Variants in BAIAP2 observed in about 807,000 individuals in gnomAD.
The protein encoded by BAIAP2 is BAR/IMD domain containing adaptor protein 2.
A neutral mutation model predicts 63.0 loss-of-function variants in BAIAP2; 18 were observed. The observed-to-expected ratio is 0.29, with a 90% CI of 0.20 to 0.42. The LOEUF (loss-of-function observed/expected upper bound fraction) is 0.42. Among genes scored for constraint, BAIAP2 ranks in the 10% least tolerant of loss-of-function variants. BAIAP2 has a pLI of 1.00. For missense variants in BAIAP2, 610 were observed against 734.3 expected, an observed-to-expected ratio of 0.83 and a Z score of 1.96; for synonymous variants, 386 against 307.6, an observed-to-expected ratio of 1.25 and a Z score of -2.67.
At chr17:81,103,100 G>A (rs761807932) in intron 7 of BAIAP2, among the ~76,000 whole-genome samples, 3 of 152,216 alleles carry the variant, frequency 2.0e-5, no homozygotes, top group Non-Finnish European at 4.4e-5. Context: ...TCGGCAGCCA[G>A]GCCTGACCCC....
intron 1 of BAIAP2, among the ~76,000 whole-genome samples, chr17:81,037,180 A>G (rs2046392356): frequency 6.6e-6 from 1 of 152,022 alleles, no homozygotes; most frequent in Non-Finnish European, 1.5e-5. Flanking sequence ...TGAAACACAC[A>G]GGTTCTGCGT....
chr17:81,096,903 A>G (rs2057712258), intron 6 of BAIAP2, among the ~76,000 whole-genome samples: 1 of 152,238 alleles, frequency 6.6e-6, no homozygotes, highest in Admixed American at 6.5e-5. Context: ...AACCAGAGGA[A>G]AAGTACTTCG....
At position 81,046,129 on chromosome 17, in the gene BAIAP2, G is replaced by T. The variant is rs866160888; in HGVS notation, c.55-7539G>T. 1.3e-5 allele frequency among the ~76,000 whole-genome samples: 2 copies of T among 152,118 alleles called. No homozygotes were observed. Among genetic ancestry groups the T allele is most frequent in the South Asian group, 2.1e-4 (1 of 4,830 alleles). Reference sequence around the variant, plus strand: ...GCTCCTGCACGCCCAGCTGCAGGGGGTAAGGAGGAGGATGGTGTCTCTGCC... The same window carrying T: ...GCTCCTGCACGCCCAGCTGCAGGGGTTAAGGAGGAGGATGGTGTCTCTGCC... On this transcript the variant is annotated intron_variant, in intron 1 of 13. Coordinates refer to ENST00000428708, the MANE Select transcript of BAIAP2 (RefSeq NM_001144888.2). This position sits in a 1 kb window ranked among gnomAD's most constrained non-coding sequence, Gnocchi z 4.5.
intron 10 of BAIAP2, chr17:81,105,873 A>G: frequency 1.9e-6 from 1 of 525,460 alleles, no homozygotes; most frequent in South Asian, 2.1e-5. Context: ...GGTTGAGGAC[A>G]GCCCGGGCCA....
rs937943435 is a variant in BAIAP2 at position 81,116,239 on chromosome 17, G to C, written c.*400G>C. The C allele has an allele frequency of 1.2e-6, 2 of 1,612,448 alleles. No homozygotes were observed. The highest frequency in any genetic ancestry group is 1.7e-6 in the Non-Finnish European group (2 of 1,179,640). ...GCTTCTCCTGCACCAGGTGTGATCT[G>C]TCCGCCCAAGGGCCAGAAGGCCGGG... On this transcript the variant is annotated 3_prime_UTR_variant, in exon 14 of 14. Coordinates refer to ENST00000428708, the MANE Select transcript of BAIAP2 (RefSeq NM_001144888.2).
intron 3 of BAIAP2, among the ~76,000 whole-genome samples, chr17:81,081,775 C>G (rs1193316922): frequency 6.6e-6 from 1 of 152,182 alleles, no homozygotes; most frequent in Non-Finnish European, 1.5e-5. Context: ...CGACTTCATC[C>G]CGACCGTGAG....
chr17:81,098,076 G>C (rs756933310), intron 6 of BAIAP2: 81 of 1,301,322 alleles, frequency 6.2e-5, no homozygotes, highest in Non-Finnish European at 7.6e-5. Context: ...TGATCCCCAG[G>C]CCAGCTGGGG....
intron 6 of BAIAP2, among the ~76,000 whole-genome samples, chr17:81,095,041 T>G (rs889315552): frequency 6.6e-6 from 1 of 152,258 alleles, no homozygotes; most frequent in Non-Finnish European, 1.5e-5. Context: ...TGATCACTTT[T>G]GTCTTCTCTG....
chr17:81,047,043 C>T (rs1158117982), intron 1 of BAIAP2, among the ~76,000 whole-genome samples: 5 of 152,002 alleles, frequency 3.3e-5, no homozygotes, highest in African/African-American at 7.2e-5. Flanking sequence ...TGTGCTGGTC[C>T]GTGGGCGAGG....
chr17:81,063,094 G>A (rs1380176504), intron 3 of BAIAP2, among the ~76,000 whole-genome samples: 2 of 152,098 alleles, frequency 1.3e-5, no homozygotes, highest in Non-Finnish European at 2.9e-5. Context: ...TGAGCGAGGA[G>A]GACTGCAGGG....
intron 1 of BAIAP2, among the ~76,000 whole-genome samples, chr17:81,048,136 G>A (rs2048106311): frequency 1.3e-5 from 2 of 152,212 alleles, no homozygotes; most frequent in Non-Finnish European, 2.9e-5. Flanking sequence ...TGTAATCCCA[G>A]CACTTTGGGA....
intron 1 of BAIAP2, among the ~76,000 whole-genome samples, chr17:81,035,568 C>G (rs1230289296): frequency 6.7e-6 from 1 of 150,020 alleles, no homozygotes; most frequent in Admixed American, 6.6e-5. Context: ...TCCCCAGCCC[C>G]AGGCCCGGGG....
intron 3 of BAIAP2, 118 bp downstream of exon 3, chr17:81,058,085 G>A (rs2049927722): frequency 1.1e-5 from 9 of 824,552 alleles, no homozygotes; most frequent in Non-Finnish European, 1.8e-6. Flanking sequence ...TGTCAAATAG[G>A]AAAATATTTT....
chr17:81,095,400 T>TCCTCC (rs1325695576), intron 6 of BAIAP2, among the ~76,000 whole-genome samples: 1 of 152,120 alleles, frequency 6.6e-6, no homozygotes, highest in African/African-American at 2.4e-5. Flanking sequence ...CCACCTCCTC[T>TCCTCC]CCTCCCCGTC....
At chr17:81,065,481 T>C (rs57549925) in intron 3 of BAIAP2, among the ~76,000 whole-genome samples, 2,708 of 152,268 alleles carry the variant, frequency 0.018, 77 homozygotes, top group African/African-American at 0.061. Context: ...ACCATGCCGC[T>C]GGGCCGTGTG....
In BAIAP2 at chr17:81,115,931, A is replaced by G; in HGVS notation, c.*92A>G. The G allele has an allele frequency of 6.4e-7, 1 of 1,570,342 alleles. No homozygotes were observed. Among genetic ancestry groups the G allele is most frequent in the African/African-American group, 1.3e-5 (1 of 74,304 alleles). The stretch of plus-strand genomic sequence containing the variant: ...ATCATCTGTGCGTTCCTGTGTAGAG[A>G]ACATCCAGGCCCCGGCTGCCTGGTC... On this transcript the variant is annotated 3_prime_UTR_variant, in exon 14 of 14. Coordinates refer to ENST00000428708, the MANE Select transcript of BAIAP2 (RefSeq NM_001144888.2).
chr17:81,092,694 C>T (rs977145952), intron 6 of BAIAP2, among the ~76,000 whole-genome samples: 23 of 152,020 alleles, frequency 1.5e-4, no homozygotes, highest in Non-Finnish European at 2.6e-4. Flanking sequence ...CCCGGAGCAC[C>T]GCCCTGACGG....
intron 6 of BAIAP2, among the ~76,000 whole-genome samples, chr17:81,098,987 TCCC>T (rs2058101353): frequency 2.1e-5 from 1 of 47,940 alleles, no homozygotes; most frequent in South Asian, 6.5e-4. Context: ...CATCCCCCCA[TCCC>T]CCCATCCCCC....
chr17:81,116,642 TCCCC>T lies in BAIAP2; in HGVS notation c.*809_*812del. 1 of 378,848 alleles carries T rather than the reference TCCCC, an allele frequency of 2.6e-6. No individual in the cohort carries two copies. Among genetic ancestry groups the T allele is most frequent in the Non-Finnish European group, 4.9e-6 (1 of 202,940 alleles). The allele number at this position is 378,848 out of a possible 1,614,324, so 23.5% of individuals were successfully genotyped here. A position where few individuals can be genotyped will look rare whatever the true frequency, so the allele number is the denominator to read the frequency against. On this transcript the variant is annotated 3_prime_UTR_variant, in exon 14 of 14. Transcript: ENST00000428708. ...CTGCCCCAGGACTCCTGGGTGGACC[TCCCC>T]CCCCCACCTCCGCTGACTCCTGCAG...
Sources: gnomAD v4.1 joint callset for allele counts (sites outside exome capture counted in the v4.1 genomes callset) on GRCh38, gnomAD v4.1.1 for gene constraint, Gnocchi (gnomAD v3.1) non-coding constraint, MANE v1.5 for transcripts, NCBI Gene and HGNC (gene_info 2026-07-23, HGNC 2026-07-21) for gene names.